Variants in PHC3 observed in about 807,000 individuals in gnomAD.
PHC3 encodes the protein polyhomeotic-like protein 3.
In PHC3, 13 loss-of-function variants were observed where a neutral mutation model predicts 107.4. The observed-to-expected ratio is 0.12, with a 90% CI of 0.08 to 0.19. PHC3 has a LOEUF of 0.19. Ranked by LOEUF, PHC3 falls within the 10% of genes least tolerant of loss-of-function variation. PHC3 has a pLI of 1.00. For synonymous variants in PHC3, 456 were observed against 427.4 expected (o/e 1.07, Z -0.83); for missense variants, 992 against 1,210.9 (o/e 0.82, Z 2.68).
chr3:170,151,783 G>A (rs866219879), intron 4 of PHC3, among the ~76,000 whole-genome samples: 1 of 152,072 alleles, frequency 6.6e-6, no homozygotes, highest in South Asian at 2.1e-4. Context: ...AAAACTCCAG[G>A]CTTACACCAG....
chr3:170,181,578 G>C (rs1731442952), intron 1 of PHC3, 124 bp downstream of exon 1: 2 of 1,398,572 alleles, frequency 1.4e-6, no homozygotes. Context: ...CGATAGGACG[G>C]GTCTCGAGTC....
intron 8 of PHC3, among the ~76,000 whole-genome samples, chr3:170,127,497 G>A (rs74712187): frequency 0.057 from 7,679 of 134,588 alleles, 644 homozygotes; most frequent in African/African-American, 0.19. Context: ...ATTTACAGAA[G>A]GTATAATTCA....
intron 7 of PHC3, among the ~76,000 whole-genome samples, chr3:170,133,485 C>A (rs1722584709): frequency 6.6e-6 from 1 of 152,040 alleles, no homozygotes; most frequent in Non-Finnish European, 1.5e-5. Flanking sequence ...CCAAGATTAA[C>A]TTCTTACCAA....
rs1434646898 is a variant in PHC3 at position 170,129,316 on chromosome 3, G to C, written c.1156C>G (p.Pro386Ala). The change falls in exon 8 of 15, where the codon CCG (proline) becomes GCG (alanine). Residue 386 changes from proline to alanine, a missense_variant. Physicochemically the swap from Pro to Ala is conservative, Grantham distance 27. Transcript: ENST00000495893. ...AAAGGAGAGGGATGACTCTGAATCG[G>C]TGAACAATGCTGTGACTGGGCATTA... is the stretch of plus-strand genomic sequence containing the variant. Reference protein sequence around the residue: ...PSNAQSQHCSPIQSHPSPLTV... With the variant: ...PSNAQSQHCSAIQSHPSPLTV... The C allele has an allele frequency of 6.2e-7, 1 of 1,614,000 alleles. No individual in the cohort carries two copies. The highest frequency in any genetic ancestry group is 1.7e-5 in the Admixed American group (1 of 60,016).
At chr3:170,104,509 G>A (rs986667048) in intron 12 of PHC3, among the ~76,000 whole-genome samples, 5 of 152,176 alleles carry the variant, frequency 3.3e-5, no homozygotes, top group African/African-American at 1.2e-4. Flanking sequence ...CTGGGCTCAA[G>A]CAATCTTCCC....
At chr3:170,158,265 A>AT (rs1479695548) in intron 4 of PHC3, among the ~76,000 whole-genome samples, 8 of 152,214 alleles carry the variant, frequency 5.3e-5, no homozygotes, top group Admixed American at 3.9e-4. Context: ...TAAATATTCA[A>AT]TGTGATCCTT....
chr3:170,135,791 G>C (rs565593507), intron 7 of PHC3, among the ~76,000 whole-genome samples: 5 of 152,228 alleles, frequency 3.3e-5, no homozygotes, highest in Non-Finnish European at 5.9e-5. Flanking sequence ...ATTCTGAGAT[G>C]AACAGAAGAG....
chr3:170,140,585 T>TC (rs1491256471), intron 6 of PHC3, among the ~76,000 whole-genome samples: 11 of 50,000 alleles, frequency 2.2e-4, no homozygotes, highest in African/African-American at 1.1e-3. Flanking sequence ...TTTCTTTTTC[T>TC]TTTTTTTTTT....
intron 6 of PHC3, among the ~76,000 whole-genome samples, chr3:170,137,425 A>G (rs1723280455): frequency 2.6e-5 from 4 of 152,152 alleles, no homozygotes; most frequent in Admixed American, 2.6e-4. Context: ...AAGATGCAAG[A>G]CAGAAAAATG....
At chr3:170,116,460 A>C (rs904447065) in intron 10 of PHC3, among the ~76,000 whole-genome samples, 9 of 152,068 alleles carry the variant, frequency 5.9e-5, no homozygotes, top group Admixed American at 1.3e-4. Flanking sequence ...CCAGCTACTG[A>C]GGTAGCTAAG....
intron 4 of PHC3, among the ~76,000 whole-genome samples, chr3:170,168,873 T>G (rs918438586): frequency 1.3e-5 from 2 of 151,744 alleles, no homozygotes; most frequent in African/African-American, 4.8e-5. Context: ...ATACATTCAA[T>G]TAACAAGTCT....
chr3:170,148,408 A>G (rs1725362070), intron 5 of PHC3: 2 of 152,342 alleles, frequency 1.3e-5, no homozygotes, highest in Admixed American at 1.3e-4. Context: ...ACATCAAATA[A>G]AATACATGTC....
At chr3:170,123,397 A>G (rs1462185368) in intron 8 of PHC3, among the ~76,000 whole-genome samples, 1 of 124,086 alleles carries the variant, frequency 8.1e-6, no homozygotes, top group Non-Finnish European at 1.7e-5. Context: ...TTGACACCTT[A>G]TTTTTTTACT....
intron 4 of PHC3, 121 bp downstream of exon 4, chr3:170,171,252 T>C (rs989126768): frequency 3.0e-5 from 20 of 664,498 alleles, no homozygotes; most frequent in African/African-American, 7.5e-5. Flanking sequence ...TTCTGGGCAA[T>C]TGTTACTTTA....
intron 12 of PHC3, among the ~76,000 whole-genome samples, chr3:170,104,062 CCT>C (rs1246966398): frequency 2.0e-5 from 3 of 151,774 alleles, no homozygotes; most frequent in East Asian, 1.9e-4. Context: ...AGAGCCAGAC[CCT>C]GACTCAAAAC....
rs1723112659 is a variant in PHC3 at position 170,136,609 on chromosome 3, A to C, written c.729T>G (p.Asn243Lys). Residue 243 changes from asparagine (N) to lysine (K), a missense_variant, in exon 7 of 15, where the codon AAT becomes AAG. Asn to Lys is a moderately conservative substitution (Grantham distance 94). Around this residue, in one of 6 missense-constraint regions of PHC3, gnomAD observed 543 missense variants for 590.8 expected, o/e 0.92. Coordinates refer to ENST00000495893, the MANE Select transcript of PHC3 (RefSeq NM_024947.4). Reference protein sequence around the residue: ...QKLGVLSSSQNGPPKSTSQTQ... With the variant: ...QKLGVLSSSQKGPPKSTSQTQ... ...TTTGACTAGTGCTTTTTGGTGGACC[A>C]TTCTGTGAGCTAGATAATACACCCA... The C allele has an allele frequency of 1.9e-6, 3 of 1,613,848 alleles. No homozygotes were observed. Among genetic ancestry groups the C allele is most frequent in the Non-Finnish European group, 2.5e-6 (3 of 1,179,826 alleles).
intron 10 of PHC3, among the ~76,000 whole-genome samples, chr3:170,115,932 G>C (rs1487847192): frequency 6.6e-6 from 1 of 150,392 alleles, no homozygotes; most frequent in East Asian, 2.0e-4. Flanking sequence ...CAACTGATTG[G>C]GTAGCTATCT....
chr3:170,127,174 T>A (rs185828089), intron 8 of PHC3, among the ~76,000 whole-genome samples: 2 of 152,300 alleles, frequency 1.3e-5, no homozygotes, highest in South Asian at 2.1e-4. Flanking sequence ...ATAAACTTTT[T>A]AAAAATTTTT....
intron 7 of PHC3, among the ~76,000 whole-genome samples, chr3:170,134,794 G>T (rs536665242): frequency 2.0e-5 from 3 of 152,098 alleles, no homozygotes; most frequent in Non-Finnish European, 4.4e-5. Context: ...ATACATAAAT[G>T]CCCAATATTA....
Sources: allele counts gnomAD v4.1 joint callset (sites outside exome capture counted in the v4.1 genomes callset), GRCh38; gene constraint gnomAD v4.1.1; regional missense constraint gnomAD v4.1.1; transcripts MANE v1.5; gene names NCBI Gene and HGNC (gene_info 2026-07-23, HGNC 2026-07-21).